The following BSCL2 variants were observed in gnomAD, a reference collection of about 807,000 sequenced individuals.
The protein encoded by BSCL2 is BSCL2 lipid droplet biogenesis associated, seipin.
In BSCL2, 41 loss-of-function variants were observed where a neutral mutation model predicts 57.4. The ratio of observed to expected loss-of-function variants is 0.71; its 90% confidence interval spans 0.56 to 0.93. The LOEUF (loss-of-function observed/expected upper bound fraction) is 0.93. BSCL2 is among the 40% of genes least tolerant of loss of function. BSCL2 has a pLI of 0.00. For synonymous variants in BSCL2, 237 were observed against 227.3 expected (o/e 1.04, Z -0.38); for missense variants, 539 against 586.7 (o/e 0.92, Z 0.84).
At chr11:62,708,444 C>A, upstream of BSCL2, 4 of 1,375,630 alleles carry the variant, frequency 2.9e-6, no homozygotes, top group Non-Finnish European at 4.2e-6. Context: ...CTGTGCTGTG[C>A]TGCAGGTTCC....
intron 3 of BSCL2, 60 bp from the exon 4 acceptor site, chr11:62,694,771 T>G: frequency 1.3e-6 from 2 of 1,567,008 alleles, no homozygotes; most frequent in Admixed American, 1.8e-5. Context: ...GTACTGTCTC[T>G]ATTCCACCTC....
At chr11:62,694,443 G>C in intron 4 of BSCL2, 125 bp downstream of exon 4, 5 of 1,412,706 alleles carry the variant, frequency 3.5e-6, no homozygotes, top group Non-Finnish European at 4.9e-6. Flanking sequence ...GGGCTCAAGC[G>C]ATCTGCCTGC....
At chr11:62,707,616 C>T (rs2134749668), upstream of BSCL2, 1 of 513,562 alleles carries the variant, frequency 1.9e-6, no homozygotes, top group Non-Finnish European at 3.5e-6. Flanking sequence ...CGCAGGGATG[C>T]AGGCAGCTAG....
chr11:62,700,868 G>A (rs1434394304), intron 3 of BSCL2, among the ~76,000 whole-genome samples: 2 of 151,896 alleles, frequency 1.3e-5, no homozygotes, highest in African/African-American at 4.8e-5. Flanking sequence ...TGGGAGAATC[G>A]CTTGATCCCA....
intron 1 of BSCL2, chr11:62,706,689 C>A (rs1483450001): frequency 6.2e-6 from 3 of 480,964 alleles, no homozygotes; most frequent in Non-Finnish European, 1.3e-5. Context: ...TTATCGCCCA[C>A]AGCTCCTAGG....
chr11:62,707,187 T>G lies in BSCL2; in HGVS notation c.9A>C (p.Thr3=). The change falls in exon 1 of 11, where the codon ACA becomes ACC. Residue 3 remains threonine (T), a synonymous_variant. Transcript: ENST00000360796. ...CTTCCTCCTTTTGGTCTACCTTTTC[T>G]GTAGACATCTTCCTGACGAGCCTCT... is the stretch of plus-strand genomic sequence containing the variant. The part of the protein sequence containing the change: MS[T]EKVDQKEEAG... 1 of 1,553,096 alleles carries G rather than the reference T, an allele frequency of 6.4e-7. No individual in the cohort carries two copies. The highest frequency in any genetic ancestry group is 8.7e-7 in the Non-Finnish European group (1 of 1,147,332).
chr11:62,709,200 C>G, upstream of BSCL2: 1 of 457,034 alleles, frequency 2.2e-6, no homozygotes, highest in Non-Finnish European at 4.4e-6. Context: ...TCCAGAGCCT[C>G]AGGACAGCTC....
intron 6 of BSCL2, among the ~76,000 whole-genome samples, chr11:62,691,694 C>T (rs1216505860): frequency 3.3e-5 from 5 of 152,148 alleles, no homozygotes; most frequent in Admixed American, 1.3e-4. Context: ...GCTAAGCCAA[C>T]GGTTCAAAAG....
chr11:62,696,187 C>G (rs1945453745), intron 3 of BSCL2, among the ~76,000 whole-genome samples: 1 of 151,956 alleles, frequency 6.6e-6, no homozygotes, highest in Admixed American at 6.6e-5. Context: ...AACAAACAAA[C>G]AAAAAACTAT....
chr11:62,695,002 T>C (rs573873334), intron 3 of BSCL2, among the ~76,000 whole-genome samples: 23 of 152,334 alleles, frequency 1.5e-4, no homozygotes, highest in African/African-American at 5.3e-4. Context: ...TGAACCATCA[T>C]GTTGCCAACT....
intron 3 of BSCL2, among the ~76,000 whole-genome samples, chr11:62,695,711 C>CAAA (rs398016310): frequency 4.5e-5 from 3 of 66,442 alleles, no homozygotes; most frequent in Non-Finnish European, 8.7e-5. Context: ...AACTCTGTCT[C>CAAA]AAAAAAAAAA....
In BSCL2 at chr11:62,690,841, G is replaced by T; in HGVS notation, c.1099C>A (p.Pro367Thr). 1 of 1,613,668 alleles carries T rather than the reference G, an allele frequency of 6.2e-7. No individual in the cohort carries two copies. Among genetic ancestry groups the T allele is most frequent in the South Asian group, 1.1e-5 (1 of 91,066 alleles). ...PGPEGQEEST[P>T]QSDVTEDGES... ...CCATCCTCTGTAACATCTGATTGCG[G>T]AGTTGACTCCTCCTGGCCTTCAGGC... Residue 367 changes from proline (P) to threonine (T), a missense_variant, in exon 9 of 11, where the codon CCG becomes ACG. Pro to Thr is a conservative substitution (Grantham distance 38). This residue lies in a region of BSCL2 where 248 missense variants were observed against 239.9 expected (regional missense o/e 1.03). Transcript: ENST00000360796.
At chr11:62,706,422 A>C (rs1471975311) in intron 1 of BSCL2, 1 of 556,596 alleles carries the variant, frequency 1.8e-6, no homozygotes, top group Non-Finnish European at 2.7e-6. Flanking sequence ...AGCCTTCCCG[A>C]GCTGCGAGGT....
intron 2 of BSCL2, among the ~76,000 whole-genome samples, chr11:62,703,609 C>T (rs1945717298): frequency 6.6e-6 from 1 of 151,096 alleles, no homozygotes; most frequent in Non-Finnish European, 1.5e-5. Flanking sequence ...CCTCGGCCTC[C>T]CAAAGTGCTG....
At chr11:62,697,286 T>C (rs1182852031) in intron 3 of BSCL2, among the ~76,000 whole-genome samples, 3 of 150,378 alleles carry the variant, frequency 2.0e-5, no homozygotes, top group Non-Finnish European at 4.4e-5. Context: ...TCCCAGCTAC[T>C]TGGGAGGCTG....
chr11:62,693,076 C>T (rs1472175634), intron 4 of BSCL2, among the ~76,000 whole-genome samples: 1 of 152,174 alleles, frequency 6.6e-6, no homozygotes, highest in Non-Finnish European at 1.5e-5. Flanking sequence ...CTGCCTTTCC[C>T]ACCAAGTAGT....
At position 62,707,172 on chromosome 11, in the gene BSCL2, T is replaced by C. The variant is rs1442877599; in HGVS notation, c.24A>G (p.Gln8=). Reference sequence around the variant, plus strand: ...CCTCTTTTTCCCCAGCTTCCTCCTTTTGGTCTACCTTTTCTGTAGACATCT... The same window carrying C: ...CCTCTTTTTCCCCAGCTTCCTCCTTCTGGTCTACCTTTTCTGTAGACATCT... MSTEKVD[Q]KEEAGEKEVC... The change falls in exon 1 of 11, where the codon CAA becomes CAG. Residue 8 remains glutamine, a synonymous_variant. Coordinates refer to ENST00000360796, the MANE Select transcript of BSCL2 (RefSeq NM_001122955.4). 6.4e-7 allele frequency: 1 copy of C among 1,553,812 alleles called. No individual in the cohort carries two copies. Among genetic ancestry groups the C allele is most frequent in the Non-Finnish European group, 8.7e-7 (1 of 1,147,636 alleles).
In BSCL2 at chr11:62,696,171, AAAAC is replaced by A. The variant is rs760454662; in HGVS notation, c.487-1464_487-1461del. On this transcript the variant is annotated intron_variant, in intron 3 of 10. Coordinates refer to ENST00000360796, the MANE Select transcript of BSCL2 (RefSeq NM_001122955.4). ...GGGTGACAGAGCAAGATTCTGTCTC[AAAAC>A]AAACAAACAAACAAAAAACTATCTG... 2.0e-4 allele frequency among the ~76,000 whole-genome samples: 30 copies of A among 152,310 alleles called. 1 individual carries two copies. Among genetic ancestry groups the A allele is most frequent in the South Asian group, 2.1e-4 (1 of 4,830 alleles).
At chr11:62,697,544 T>C (rs1945507097) in intron 3 of BSCL2, 1 of 151,770 alleles carries the variant, frequency 6.6e-6, no homozygotes, top group Non-Finnish European at 1.5e-5. Flanking sequence ...TCCCAGCACT[T>C]TGGGAGGCCA....
Sources: gnomAD v4.1 joint callset for allele counts (sites outside exome capture counted in the v4.1 genomes callset) on GRCh38, gnomAD v4.1.1 for gene constraint, gnomAD v4.1.1 regional missense constraint, MANE v1.5 for transcripts, NCBI Gene and HGNC (gene_info 2026-07-23, HGNC 2026-07-21) for gene names.